The following ADPRHL1 variants were observed in gnomAD, a reference collection of about 807,000 sequenced individuals.
The protein encoded by ADPRHL1 is inactive ADP-ribosyltransferase ARH2.
Under a neutral mutation model 44.1 loss-of-function variants are expected in ADPRHL1, and 43 were observed. The ratio of observed to expected loss-of-function variants is 0.98; its 90% CI spans 0.76 to 1.26. The LOEUF (loss-of-function observed/expected upper bound fraction) is 1.26. Among genes scored for constraint, ADPRHL1 ranks in the 50% most tolerant of loss-of-function variants. The pLI is 0.00. For synonymous variants in ADPRHL1, 878 were observed against 1,017.4 expected, an observed-to-expected ratio of 0.86 and a Z score of 2.61; for missense variants, 2,022 against 2,496.9, an observed-to-expected ratio of 0.81 and a Z score of 4.05.
chr13:113,449,456 G>C (rs897521198), intron 1 of ADPRHL1, among the ~76,000 whole-genome samples: 1 of 151,148 alleles, frequency 6.6e-6, no homozygotes, highest in Non-Finnish European at 1.5e-5. Flanking sequence ...CCCGTTCAGA[G>C]AGACACACCC....
intron 7 of ADPRHL1, among the ~76,000 whole-genome samples, chr13:113,412,696 G>T (rs1014008046): frequency 6.6e-6 from 1 of 151,122 alleles, no homozygotes; most frequent in African/African-American, 2.4e-5. Flanking sequence ...TTCACCCACC[G>T]CCAACAGTGC....
intron 7 of ADPRHL1, among the ~76,000 whole-genome samples, chr13:113,414,504 G>A (rs931420229): frequency 1.7e-4 from 23 of 137,454 alleles, no homozygotes; most frequent in Admixed American, 4.9e-4. Context: ...CGGCCTCCCC[G>A]ATATGCTCTC....
chr13:113,407,361 T>C lies in ADPRHL1; in HGVS notation c.1921A>G (p.Ser641Gly), dbSNP rs770097286. The change falls in exon 8 of 8, where the codon AGC (serine) becomes GGC (glycine). Residue 641 changes from serine (S) to glycine (G), a missense_variant. Coordinates refer to ENST00000612156, the MANE Select transcript of ADPRHL1 (RefSeq NM_001394807.1). ...GGTGGACGCCTTGCCTCCGAGTGGC[T>C]GATTTTGGTGCAGTGGGACAGCCAG... ...RSWLSHCTKI[S>G]HSEARRPPRG... is the part of the protein sequence containing the mutation. 5.7e-6 allele frequency: 7 copies of C among 1,232,000 alleles called. No homozygotes were observed. Among genetic ancestry groups the C allele is most frequent in the Non-Finnish European group, 6.1e-6 (6 of 988,032 alleles). 76.3% of individuals were successfully genotyped at this position (1,232,000 alleles called of 1,614,324 possible). A position where few individuals can be genotyped will look rare whatever the true frequency, so the allele number is the denominator to read the frequency against.
At chr13:113,429,654 C>G (rs549636605) in intron 3 of ADPRHL1, among the ~76,000 whole-genome samples, 1 of 152,212 alleles carries the variant, frequency 6.6e-6, no homozygotes, top group Non-Finnish European at 1.5e-5. Flanking sequence ...TATCAGTTAA[C>G]GAGCCTGTGC....
intron 1 of ADPRHL1, among the ~76,000 whole-genome samples, chr13:113,451,867 C>T (rs1033004193): frequency 1.3e-5 from 2 of 152,196 alleles, no homozygotes; most frequent in African/African-American, 2.4e-5. Context: ...GTGTGAATTT[C>T]GTGTCCTGTT....
chr13:113,450,962 C>CCG (rs1555328356), intron 1 of ADPRHL1, among the ~76,000 whole-genome samples: 25 of 151,694 alleles, frequency 1.6e-4, no homozygotes, highest in African/African-American at 5.6e-4. Context: ...ACCCCCCCCC[C>CCG]CTTCCTGGTC....
At chr13:113,432,659 T>TG (rs1420636964) in intron 3 of ADPRHL1, among the ~76,000 whole-genome samples, 1 of 152,046 alleles carries the variant, frequency 6.6e-6, no homozygotes, top group Non-Finnish European at 1.5e-5. Flanking sequence ...GCAGACTCAG[T>TG]GGGGGTGGGA....
rs66812194 is a variant in ADPRHL1, at chr13:113,425,684, C to CTTT, written c.647-508_647-506dup. Among the ~76,000 whole-genome samples the CTTT allele has an allele frequency of 8.0e-3, 1,071 of 133,900 alleles. 8 individuals carry two copies. The highest frequency in any genetic ancestry group is 0.019 in the Middle Eastern group (4 of 214). 87.8% of individuals were successfully genotyped at this position (133,900 alleles called of 152,430 possible). A position where few individuals can be genotyped will look rare whatever the true frequency, so the allele number is the denominator to read the frequency against. ...ACCATGCCCGGCCTCTTTTTTCTTT[C>CTTT]TTTTTTTTTTTTTTGAGACGGAGTC... On this transcript the variant is annotated intron_variant, in intron 4 of 7. Transcript: ENST00000612156.
chr13:113,436,936 C>T (rs542158502), intron 2 of ADPRHL1, among the ~76,000 whole-genome samples: 7 of 147,710 alleles, frequency 4.7e-5, no homozygotes, highest in Non-Finnish European at 7.5e-5. Flanking sequence ...CATAGGTGTA[C>T]CCCGGGACCC....
At position 113,406,881 on chromosome 13, in the gene ADPRHL1, T is replaced by G; in HGVS notation, c.2401A>C (p.Arg801=). Residue 801 remains arginine, a synonymous_variant, in exon 8 of 8, where the codon AGA becomes CGA. Transcript: ENST00000612156. ...REGAGFPDPG[R]DPLFATQKYF... is the part of the protein sequence containing the mutation. The stretch of plus-strand genomic sequence containing the variant: ...TTCTGGGTGGCAAAGAGGGGGTCTC[T>G]CCCTGGGTCTGGGAAGCCTGCTCCT... 1 of 1,232,344 alleles carries G rather than the reference T, an allele frequency of 8.1e-7. No individual in the cohort carries two copies. The highest frequency in any genetic ancestry group is 3.1e-4 in the Middle Eastern group (1 of 3,212). The allele number at this position is 1,232,344 out of a possible 1,614,324, so 76.3% of individuals were successfully genotyped here. A position where few individuals can be genotyped will look rare whatever the true frequency, so the allele number is the denominator to read the frequency against.
Position 113,402,335 on chromosome 13 carries a change from T to A in ADPRHL1, c.*1043A>T, listed in dbSNP as rs1349046531. On this transcript the variant is annotated 3_prime_UTR_variant, in exon 8 of 8. Transcript: ENST00000612156. ...CATGGAGGAAGAGCCTAAAAAATAG[T>A]CCAGAGTAGCAACAAAAACCATCTC... The A allele has an allele frequency of 3.9e-5, 6 of 152,254 alleles. No homozygotes were observed. The highest frequency in any genetic ancestry group is 7.4e-5 in the Non-Finnish European group (5 of 68,020). The allele number at this position is 152,254 out of a possible 1,614,324, so 9.4% of individuals were successfully genotyped here. A position where few individuals can be genotyped will look rare whatever the true frequency, so the allele number is the denominator to read the frequency against.
rs72666958 is a variant in ADPRHL1, at chr13:113,441,345, T to C, written c.379+3080A>G. Among the ~76,000 whole-genome samples, 5,763 of 152,260 alleles carry C rather than the reference T, an allele frequency of 0.038. 159 individuals carry two copies. The highest frequency in any genetic ancestry group is 0.048 in the Middle Eastern group (14 of 294). ...CCCTCCTTCCCCCTTTTCTGCCTTTTTTGGGTTGAATGTTTCTCAAGGGAT... is the reference window on the plus strand; with the variant it reads ...CCCTCCTTCCCCCTTTTCTGCCTTTCTTGGGTTGAATGTTTCTCAAGGGAT... On this transcript the variant is annotated intron_variant, in intron 2 of 7. Transcript: ENST00000612156. The surrounding 1 kb of genome is among the most constrained non-coding windows in gnomAD (Gnocchi z 6.0).
At chr13:113,428,686 G>A (rs954442643) in intron 4 of ADPRHL1, among the ~76,000 whole-genome samples, 2 of 152,238 alleles carry the variant, frequency 1.3e-5, no homozygotes, top group Non-Finnish European at 2.9e-5. Context: ...GGGTGGACCC[G>A]CCGGAGGCAA....
Position 113,444,715 on chromosome 13 carries a change from C to T in ADPRHL1, c.215-126G>A, listed in dbSNP as rs1026852724. On this transcript the variant is annotated intron_variant, in intron 1 of 7. Coordinates refer to ENST00000612156, the MANE Select transcript of ADPRHL1 (RefSeq NM_001394807.1). ...GGCAGACACTGCAAACTCTGCCTCC[C>T]GGGTTCACTCCGTTCTCCTGCCTCA... The T allele has an allele frequency of 9.9e-5, 116 of 1,168,380 alleles. No individual in the cohort carries two copies. In the East Asian group the frequency reaches 1.5e-3, roughly 15 times the overall value. The allele number at this position is 1,168,380 out of a possible 1,614,324, so 72.4% of individuals were successfully genotyped here.
In ADPRHL1 at chr13:113,406,119, C is replaced by A; in HGVS notation, c.3163G>T (p.Val1055Phe). The A allele has an allele frequency of 8.1e-7, 1 of 1,232,160 alleles. No homozygotes were observed. The highest frequency in any genetic ancestry group is 1.0e-6 in the Non-Finnish European group (1 of 987,998). The allele number at this position is 1,232,160 out of a possible 1,614,324, so 76.3% of individuals were successfully genotyped here. ...SSKGRTGPEG[V>F]TPMGMTVPGA... ...GGCACTGTCATGCCCATCGGGGTGACACCCTCAGGCCCCGTACGCCCCTTG... is the reference window on the plus strand; with the variant it reads ...GGCACTGTCATGCCCATCGGGGTGAAACCCTCAGGCCCCGTACGCCCCTTG... Residue 1055 changes from valine (V) to phenylalanine (F), a missense_variant, in exon 8 of 8, where the codon GTC becomes TTC. Physicochemically the swap from Val to Phe is conservative, Grantham distance 50 (BLOSUM62 -1). Around this residue, in one of 8 missense-constraint regions of ADPRHL1, gnomAD observed 1,221 missense variants for 1,517.8 expected, o/e 0.80. Transcript: ENST00000612156.
chr13:113,429,055 C>T lies in ADPRHL1; in HGVS notation c.543G>A (p.Ser181=), dbSNP rs370545967. 15 of 1,612,476 alleles carry T rather than the reference C, an allele frequency of 9.3e-6. No homozygotes were observed. Among genetic ancestry groups the T allele is most frequent in the Middle Eastern group, 3.3e-4 (2 of 6,062 alleles). The change falls in exon 4 of 8, where the codon TCG becomes TCA. Residue 181 remains serine (S), a synonymous_variant. Coordinates refer to ENST00000612156, the MANE Select transcript of ADPRHL1 (RefSeq NM_001394807.1). The part of the protein sequence containing the change: ...LGSLCTALFV[S]FAAQGKPLVQ... Reference sequence around the variant, plus strand: ...CCAGGGGCTTTCCTTGTGCGGCGAACGACACAAACAGGGCCGTGCACAGGG... The same window carrying T: ...CCAGGGGCTTTCCTTGTGCGGCGAATGACACAAACAGGGCCGTGCACAGGG...
At position 113,407,749 on chromosome 13, in the gene ADPRHL1, G is replaced by A. The variant is rs961186328; in HGVS notation, c.1533C>T (p.Ala511=). 10 of 1,232,004 alleles carry A rather than the reference G, an allele frequency of 8.1e-6. No homozygotes were observed. Among genetic ancestry groups the A allele is most frequent in the African/African-American group, 7.8e-5 (5 of 64,442 alleles). The allele number at this position is 1,232,004 out of a possible 1,614,324, so 76.3% of individuals were successfully genotyped here. A position where few individuals can be genotyped will look rare whatever the true frequency, so the allele number is the denominator to read the frequency against. The change falls in exon 8 of 8, where the codon GCC becomes GCT. Residue 511 remains alanine (A), a synonymous_variant. Transcript: ENST00000612156. ...TCTCCTTCGCCTCCTTCTCCTCGGC[G>A]GCCAAGAATATCTTCAGGATGTTTT... The part of the protein sequence containing the change: ...TVKNILKIFL[A]AEEKEAKEKE...
At position 113,452,300 on chromosome 13, in the gene ADPRHL1, G is replaced by A. The variant is rs542265492; in HGVS notation, c.214+924C>T. ...AAGCCGGGAGCCTTATCTTATCGCC[G>A]GCGCTTCAGCTCTCCCGTTATTTAG... On this transcript the variant is annotated intron_variant, in intron 1 of 7. Transcript: ENST00000612156. Among the ~76,000 whole-genome samples, 191 of 152,286 alleles carry A rather than the reference G, an allele frequency of 1.3e-3. 2 individuals carry two copies. The highest frequency in any genetic ancestry group is 3.4e-3 in the Middle Eastern group (1 of 294).
intron 1 of ADPRHL1, chr13:113,448,875 G>T: frequency 1.1e-6 from 1 of 909,586 alleles, no homozygotes; most frequent in Non-Finnish European, 1.3e-6. Context: ...TGGGAGGGAA[G>T]CCACTTCCCC....
Sources: gnomAD v4.1 joint callset for allele counts (sites outside exome capture counted in the v4.1 genomes callset) on GRCh38, gnomAD v4.1.1 for gene constraint, gnomAD v4.1.1 regional missense constraint, Gnocchi (gnomAD v3.1) non-coding constraint, MANE v1.5 for transcripts, NCBI Gene and HGNC (gene_info 2026-07-23, HGNC 2026-07-21) for gene names.